The following SLC24A2 variants were observed in gnomAD, a reference collection of about 807,000 sequenced individuals.
The protein encoded by SLC24A2 is solute carrier family 24 member 2.
Under a neutral mutation model 62.0 loss-of-function variants are expected in SLC24A2, and 36 were observed. The observed-to-expected ratio is 0.58, with a 90% CI of 0.44 to 0.77. SLC24A2 has a LOEUF of 0.77. Ranked by LOEUF, SLC24A2 falls within the 30% of genes least tolerant of loss-of-function variation. SLC24A2 has a pLI of 0.00. For missense variants in SLC24A2, 846 were observed against 817.9 expected (o/e 1.03, Z -0.42); for synonymous variants, 358 against 294.0 (o/e 1.22, Z -2.23).
the SLC24A2 span, among the ~76,000 whole-genome samples, chr9:19,961,026 G>A: frequency 2.9e-5 from 4 of 139,586 alleles, no homozygotes; most frequent in Non-Finnish European, 4.6e-5. Context: ...AGGGGTGGGT[G>A]TGTGTGTGTG....
the SLC24A2 span, among the ~76,000 whole-genome samples, chr9:20,198,817 C>A: frequency 6.6e-6 from 1 of 152,180 alleles, no homozygotes; most frequent in Non-Finnish European, 1.5e-5. Flanking sequence ...CCAACTGGCT[C>A]TGGCAAACCT....
chr9:19,895,686 T>G, the SLC24A2 span: 1 of 888,004 alleles, frequency 1.1e-6, no homozygotes, highest in South Asian at 1.8e-5. Context: ...TCCTTCACAT[T>G]GCACTGTTCA....
the SLC24A2 span, among the ~76,000 whole-genome samples, chr9:20,169,427 G>T: frequency 6.6e-6 from 1 of 152,010 alleles, no homozygotes; most frequent in African/African-American, 2.4e-5. Flanking sequence ...GAAGTGGATT[G>T]CTCCTGCAGG....
chr9:20,182,666 G>A, the SLC24A2 span, among the ~76,000 whole-genome samples: 1 of 152,144 alleles, frequency 6.6e-6, no homozygotes, highest in Admixed American at 6.5e-5. Flanking sequence ...GATAGCATTA[G>A]GAGAAATACC....
At chr9:19,601,475 C>G (rs1417931354) in intron 4 of SLC24A2, among the ~76,000 whole-genome samples, 1 of 152,144 alleles carries the variant, frequency 6.6e-6, no homozygotes, top group Non-Finnish European at 1.5e-5. Context: ...TTATTTGGGT[C>G]CATGCCATCT....
chr9:19,916,750 G>A, the SLC24A2 span, among the ~76,000 whole-genome samples: 11 of 151,804 alleles, frequency 7.2e-5, no homozygotes, highest in Non-Finnish European at 1.2e-4. Context: ...AGCTGGACAC[G>A]TAGGCTATTT....
At position 19,513,521 on chromosome 9, in the gene SLC24A2, C is replaced by T. The variant is rs1832810732; in HGVS notation, c.*2632G>A. 1 of 152,094 alleles carries T rather than the reference C, an allele frequency of 6.6e-6. No homozygotes were observed. Among genetic ancestry groups the T allele is most frequent in the Non-Finnish European group, 1.5e-5 (1 of 68,058 alleles). The allele number at this position is 152,094 out of a possible 1,614,324, so 9.4% of individuals were successfully genotyped here. The stretch of plus-strand genomic sequence containing the variant: ...GGAAATTTTGTCTTCTCAAATGCAA[C>T]TTCACATGAAAGACCACAACACTTC... On this transcript the variant is annotated 3_prime_UTR_variant, in exon 11 of 11. Transcript: ENST00000341998.
intron 4 of SLC24A2, among the ~76,000 whole-genome samples, chr9:19,610,791 A>G (rs1563996607): frequency 6.6e-6 from 1 of 152,262 alleles, no homozygotes; most frequent in South Asian, 2.1e-4. Flanking sequence ...CAGGGCATGG[A>G]TTAAGAAAAT....
the SLC24A2 span, among the ~76,000 whole-genome samples, chr9:20,305,339 C>T: frequency 6.6e-6 from 1 of 152,150 alleles, no homozygotes; most frequent in South Asian, 2.1e-4. Context: ...ATCTCCTGAC[C>T]TCATGATCGA....
the SLC24A2 span, among the ~76,000 whole-genome samples, chr9:20,137,329 C>T: frequency 6.6e-6 from 1 of 152,060 alleles, no homozygotes; most frequent in Non-Finnish European, 1.5e-5. Context: ...ATACTTAATG[C>T]CAGTGGAGGA....
chr9:19,760,919 G>C (rs10811239), intron 2 of SLC24A2, among the ~76,000 whole-genome samples: 56,695 of 141,558 alleles, frequency 0.4, 10,501 homozygotes, highest in East Asian at 0.59. Flanking sequence ...GTTGCCGGGT[G>C]GGGGGAGGGT....
intron 8 of SLC24A2, among the ~76,000 whole-genome samples, chr9:19,546,351 G>C (rs1414892732): frequency 6.6e-6 from 1 of 152,182 alleles, no homozygotes; most frequent in Non-Finnish European, 1.5e-5. Context: ...ATATGTTTGG[G>C]GGTACTGCCT....
chr9:19,799,415 C>T, the SLC24A2 span, among the ~76,000 whole-genome samples: 1 of 152,150 alleles, frequency 6.6e-6, no homozygotes, highest in Non-Finnish European at 1.5e-5. Flanking sequence ...CTGTGTTTAT[C>T]TATTTGGTAG....
chr9:20,238,712 G>A, the SLC24A2 span, among the ~76,000 whole-genome samples: 1 of 152,142 alleles, frequency 6.6e-6, no homozygotes, highest in Non-Finnish European at 1.5e-5. Context: ...TTAGCTTTGT[G>A]TACATCTGTT....
chr9:19,905,069 T>G, the SLC24A2 span, among the ~76,000 whole-genome samples: 1 of 152,204 alleles, frequency 6.6e-6, no homozygotes, highest in African/African-American at 2.4e-5. Context: ...TCTAAGATTC[T>G]TTTACTCTCA....
At chr9:19,869,455 T>C in the SLC24A2 span, among the ~76,000 whole-genome samples, 84 of 152,206 alleles carry the variant, frequency 5.5e-4, no homozygotes, top group Admixed American at 5.4e-3. Flanking sequence ...AGTCTGACTA[T>C]GACTACAATA....
chr9:20,277,837 G>T, the SLC24A2 span, among the ~76,000 whole-genome samples: 1 of 152,228 alleles, frequency 6.6e-6, no homozygotes, highest in East Asian at 1.9e-4. Flanking sequence ...GAACCAACCC[G>T]AATGTCCATC....
intron 2 of SLC24A2, among the ~76,000 whole-genome samples, chr9:19,730,023 T>C (rs1821289522): frequency 6.6e-6 from 1 of 151,850 alleles, no homozygotes; most frequent in African/African-American, 2.4e-5. Flanking sequence ...AAACGTAAAA[T>C]TAAAAAAAAA....
At chr9:19,596,774 G>A (rs993813817) in intron 5 of SLC24A2, among the ~76,000 whole-genome samples, 2 of 152,146 alleles carry the variant, frequency 1.3e-5, no homozygotes, top group South Asian at 2.1e-4. Flanking sequence ...TCAGAATCAG[G>A]TGTCTAGCTG....
Sources: allele counts gnomAD v4.1 joint callset (sites outside exome capture counted in the v4.1 genomes callset), GRCh38; gene constraint gnomAD v4.1.1; transcripts MANE v1.5; gene names NCBI Gene and HGNC (gene_info 2026-07-23, HGNC 2026-07-21).